The following DACT2 variants were observed in gnomAD, a reference collection of about 807,000 sequenced individuals.
The protein encoded by DACT2 is dishevelled binding antagonist of beta catenin 2.
Under a neutral mutation model 22.2 loss-of-function variants are expected in DACT2, and 20 were observed. That is an observed-to-expected ratio of 0.90 (90% CI 0.63 to 1.31). The LOEUF (loss-of-function observed/expected upper bound fraction) is 1.31. DACT2 is among the 50% of genes most tolerant of loss of function. The pLI is 0.00. For synonymous variants in DACT2, 463 were observed against 479.8 expected (o/e 0.96, Z 0.46); for missense variants, 1,048 against 1,061.4 (o/e 0.99, Z 0.18).
At chr6:168,299,929 G>T (rs1475939167) in intron 3 of DACT2, 1 of 152,296 alleles carries the variant, frequency 6.6e-6, no homozygotes, top group East Asian at 1.9e-4. Context: ...AGGAACGCTG[G>T]GCTCCATGAA....
At chr6:168,304,820 C>A (rs1562493043), downstream of DACT2, among the ~76,000 whole-genome samples, 1 of 152,226 alleles carries the variant, frequency 6.6e-6, no homozygotes, top group Non-Finnish European at 1.5e-5. Flanking sequence ...TCCTCCTGTC[C>A]TGGGCTGCCT....
downstream of DACT2, chr6:168,306,853 T>C (rs1562494023): frequency 1.0e-6 from 1 of 981,438 alleles, no homozygotes; most frequent in Non-Finnish European, 1.2e-6. Context: ...GCAGGCATGA[T>C]GATTATGGTG....
chr6:168,294,577 G>GTGTGTATATATATATATGTATA (rs1177617130), intron 4 of DACT2: 1 of 114,780 alleles, frequency 8.7e-6, no homozygotes, highest in African/African-American at 5.7e-5. Flanking sequence ...GTGTGTGTGT[G>GTGTGTATATATATATATGTATA]TATATATATA....
chr6:168,311,878 T>C (rs1238342360), intron 1 of DACT2, among the ~76,000 whole-genome samples: 4 of 152,236 alleles, frequency 2.6e-5, no homozygotes. Flanking sequence ...TCAGCCTGCG[T>C]AAGGGTTTAC....
chr6:168,299,036 C>T (rs1450668378), intron 3 of DACT2: 1 of 152,154 alleles, frequency 6.6e-6, no homozygotes, highest in African/African-American at 2.4e-5. Context: ...CACAACTATG[C>T]TATAAATCTC....
rs114821743 is a variant in DACT2, at chr6:168,298,376, T to C, written c.659-3672A>G. On this transcript the variant is annotated intron_variant, in intron 3 of 5. Coordinates refer to the DACT2 transcript ENST00000366796. ...ATGGGTATGTGGTACTTGCATTTGT[T>C]TTTTGTTTTAAATACTTCAAAATTT... The C allele has an allele frequency of 2.8e-3, 431 of 152,352 alleles. 3 individuals are homozygous for C. The highest frequency in any genetic ancestry group is 9.8e-3 in the African/African-American group (406 of 41,580). The allele number at this position is 152,352 out of a possible 1,614,324, so 9.4% of individuals were successfully genotyped here. A position where few individuals can be genotyped will look rare whatever the true frequency, so the allele number is the denominator to read the frequency against.
intron 3 of DACT2, among the ~76,000 whole-genome samples, chr6:168,301,107 C>G (rs73258848): frequency 1.3e-5 from 2 of 152,188 alleles, no homozygotes; most frequent in African/African-American, 2.4e-5. Context: ...TCTTGGAGCC[C>G]GTTGTTGCTG....
At chr6:168,305,055 T>C (rs1779177023), downstream of DACT2, among the ~76,000 whole-genome samples, 1 of 151,470 alleles carries the variant, frequency 6.6e-6, no homozygotes, top group Non-Finnish European at 1.5e-5. Flanking sequence ...AGAGAGAGCA[T>C]GAGAGAGGGA....
intron 1 of DACT2, among the ~76,000 whole-genome samples, chr6:168,311,525 C>CCCATCCACACACACAT (rs1779399742): frequency 8.7e-6 from 1 of 114,738 alleles, no homozygotes; most frequent in East Asian, 2.8e-4. Flanking sequence ...CACACAAACA[C>CCCATCCACACACACAT]ACACACACAC....
chr6:168,294,743 G>GGTGTGTTCTGT, intron 3 of DACT2: 1 of 1,090,992 alleles, frequency 9.2e-7, no homozygotes, highest in Non-Finnish European at 1.2e-6. Context: ...GAGAGCTACA[G>GGTGTGTTCTGT]AACACACCTG....
chr6:168,296,884 T>C (rs1779018715), intron 3 of DACT2, among the ~76,000 whole-genome samples: 1 of 152,144 alleles, frequency 6.6e-6, no homozygotes, highest in Admixed American at 6.5e-5. Flanking sequence ...GGGGAAGTGA[T>C]ACTCGCAAAA....
chr6:168,304,918 T>C (rs1199433467), downstream of DACT2, among the ~76,000 whole-genome samples: 2 of 152,192 alleles, frequency 1.3e-5, no homozygotes, highest in Admixed American at 6.5e-5. Flanking sequence ...AGGACCCCCA[T>C]GGAATCTGTG....
intron 3 of DACT2, among the ~76,000 whole-genome samples, chr6:168,295,627 C>A (rs1318876814): frequency 6.6e-6 from 1 of 152,170 alleles, no homozygotes; most frequent in Non-Finnish European, 1.5e-5. Context: ...GGTTAACTGA[C>A]ATGAAGACTT....
chr6:168,297,587 G>A (rs1473572130), intron 3 of DACT2, among the ~76,000 whole-genome samples: 2 of 152,212 alleles, frequency 1.3e-5, no homozygotes, highest in African/African-American at 2.4e-5. Context: ...GAGAATGATT[G>A]TGGACCTCCG....
At chr6:168,312,331 G>T (rs1002713448) in intron 1 of DACT2, among the ~76,000 whole-genome samples, 2 of 152,088 alleles carry the variant, frequency 1.3e-5, no homozygotes, top group African/African-American at 4.8e-5. Flanking sequence ...CAAGTATCCG[G>T]GACTGCAGGC....
At chr6:168,300,717 T>C (rs190265833) in intron 3 of DACT2, 1 of 152,350 alleles carries the variant, frequency 6.6e-6, no homozygotes, top group African/African-American at 2.4e-5. Context: ...CCGGGTGTGG[T>C]GGCTCACACC....
chr6:168,298,291 T>C (rs909751495), intron 3 of DACT2: 4 of 152,186 alleles, frequency 2.6e-5, no homozygotes, highest in South Asian at 2.1e-4. Context: ...AATTAACTAT[T>C]TGAAGGAAAT....
At position 168,308,180 on chromosome 6, in the gene DACT2, G is replaced by A. The variant is rs1249499532; in HGVS notation, c.1577C>T (p.Ala526Val). Reference protein sequence around the residue: ...LLLDRPEGAHAAPQPSLEWDP... With the variant: ...LLLDRPEGAHVAPQPSLEWDP... ...CCACTCCAGGGATGGCTGGGGGGCT[G>A]CATGGGCTCCCTCAGGCCTGTCCAG... The change falls in exon 4 of 4, where the codon GCA becomes GTA. Residue 526 changes from alanine (A) to valine (V), a missense_variant. By Grantham distance (64) the Ala-to-Val change is moderately conservative. Transcript: ENST00000366795. The A allele has an allele frequency of 1.9e-6, 3 of 1,551,128 alleles. No individual in the cohort carries two copies. The highest frequency in any genetic ancestry group is 4.9e-5 in the East Asian group (2 of 40,884).
exon 6 of DACT2, chr6:168,293,355 G>T (rs74583382): frequency 0.035 from 5,359 of 152,418 alleles, 155 homozygotes; most frequent in Non-Finnish European, 0.047. Flanking sequence ...ACATCATTTT[G>T]CAATAATATA....
Sources: gnomAD v4.1 joint callset for allele counts (sites outside exome capture counted in the v4.1 genomes callset) on GRCh38, gnomAD v4.1.1 for gene constraint, MANE v1.5 for transcripts, NCBI Gene and HGNC (gene_info 2026-07-23, HGNC 2026-07-21) for gene names.